The following TMEM163 variants were observed in gnomAD, a reference collection of about 807,000 sequenced individuals.
TMEM163 encodes the protein transmembrane protein 163.
TMEM163 carries 17 observed loss-of-function variants against 29.3 expected under a neutral mutation model. That is an observed-to-expected ratio of 0.58 (90% confidence interval 0.40 to 0.87). The LOEUF (loss-of-function observed/expected upper bound fraction) is 0.87. TMEM163 is among the 40% of genes least tolerant of loss of function. The pLI is 0.00. For synonymous variants in TMEM163, 157 were observed against 160.6 expected (o/e 0.98, Z 0.17); for missense variants, 303 against 381.5 (o/e 0.79, Z 1.71).
intron 2 of TMEM163, among the ~76,000 whole-genome samples, chr2:134,560,863 C>T (rs1200234730): frequency 6.6e-6 from 1 of 152,176 alleles, no homozygotes; most frequent in East Asian, 1.9e-4. Flanking sequence ...GGGACATGGG[C>T]AGGATGCCTG....
At chr2:134,707,327 C>T (rs1034258969) in intron 2 of TMEM163, among the ~76,000 whole-genome samples, 1 of 152,184 alleles carries the variant, frequency 6.6e-6, no homozygotes, top group Non-Finnish European at 1.5e-5. Context: ...GCAGGCACCA[C>T]AGCTGGGCCT....
chr2:134,538,280 G>A (rs6757112), intron 4 of TMEM163, among the ~76,000 whole-genome samples: 3,473 of 152,220 alleles, frequency 0.023, 168 homozygotes, highest in African/African-American at 0.078. Flanking sequence ...GGACACCTCA[G>A]GAAAATGCCA....
At chr2:134,718,161 C>G (rs1422287810) in intron 1 of TMEM163, among the ~76,000 whole-genome samples, 2 of 152,248 alleles carry the variant, frequency 1.3e-5, no homozygotes, top group Non-Finnish European at 2.9e-5. Context: ...GACCCGCGTC[C>G]GCGATTAGAA....
At chr2:134,605,643 G>T (rs951556151) in intron 2 of TMEM163, among the ~76,000 whole-genome samples, 1 of 151,564 alleles carries the variant, frequency 6.6e-6, no homozygotes, top group Non-Finnish European at 1.5e-5. Context: ...CTGAGATCGC[G>T]CCATTGCACT....
chr2:134,494,270 G>A (rs1387097437), intron 5 of TMEM163, among the ~76,000 whole-genome samples: 4 of 152,172 alleles, frequency 2.6e-5, no homozygotes, highest in African/African-American at 9.7e-5. Flanking sequence ...AGATGGCACT[G>A]ATAGTCTGAC....
chr2:134,580,898 G>A (rs946043352), intron 2 of TMEM163, among the ~76,000 whole-genome samples: 1 of 152,176 alleles, frequency 6.6e-6, no homozygotes, highest in Non-Finnish European at 1.5e-5. Flanking sequence ...GGGTGACAGA[G>A]CGAGACTCTG....
chr2:134,511,187 C>CA (rs1367257684), intron 4 of TMEM163, among the ~76,000 whole-genome samples: 2 of 149,578 alleles, frequency 1.3e-5, no homozygotes, highest in Non-Finnish European at 2.9e-5. Flanking sequence ...ATCCAGTACT[C>CA]ACACTTCTTT....
At chr2:134,580,023 A>G (rs1681655914) in intron 2 of TMEM163, among the ~76,000 whole-genome samples, 1 of 152,186 alleles carries the variant, frequency 6.6e-6, no homozygotes. Flanking sequence ...TTATCAAACC[A>G]GAGTACTCAG....
intron 4 of TMEM163, among the ~76,000 whole-genome samples, chr2:134,522,125 G>T (rs1195757871): frequency 6.6e-6 from 1 of 151,878 alleles, no homozygotes; most frequent in East Asian, 1.9e-4. Context: ...GCGGGGGTGG[G>T]CTTAGACTCA....
intron 4 of TMEM163, among the ~76,000 whole-genome samples, chr2:134,507,544 G>A (rs1433232270): frequency 6.6e-6 from 1 of 152,088 alleles, no homozygotes; most frequent in Middle Eastern, 3.2e-3. Flanking sequence ...AGCCCTTCAG[G>A]TGATTCTGAT....
Position 134,456,572 on chromosome 2 carries a change from T to A in TMEM163, c.*144A>T. On this transcript the variant is annotated 3_prime_UTR_variant, in exon 8 of 8. Transcript: ENST00000281924. ...GTGATGGGGGCAAGGTAGATCCACCTGGCTGGGCAGACCTTGTCTTGTAAT... is the reference window on the plus strand; with the variant it reads ...GTGATGGGGGCAAGGTAGATCCACCAGGCTGGGCAGACCTTGTCTTGTAAT... 2 of 969,420 alleles carry A rather than the reference T, an allele frequency of 2.1e-6. No homozygotes were observed. The highest frequency in any genetic ancestry group is 3.0e-5 in the South Asian group (2 of 66,860). The allele number at this position is 969,420 out of a possible 1,614,324, so 60.1% of individuals were successfully genotyped here.
At chr2:134,504,433 C>G (rs1379518239) in intron 4 of TMEM163, among the ~76,000 whole-genome samples, 1 of 151,102 alleles carries the variant, frequency 6.6e-6, no homozygotes, top group Non-Finnish European at 1.5e-5. Context: ...CATCACCCCC[C>G]AAGGGACACA....
chr2:134,597,624 C>G (rs1487010439), intron 2 of TMEM163, among the ~76,000 whole-genome samples: 1 of 152,144 alleles, frequency 6.6e-6, no homozygotes, highest in South Asian at 2.1e-4. Context: ...TGATGCTGGC[C>G]TCATAGAATG....
rs79699947 is a variant in TMEM163 at position 134,701,516 on chromosome 2, A to G, written c.322+11684T>C. 9.4e-3 allele frequency among the ~76,000 whole-genome samples: 1,428 copies of G among 152,252 alleles called. 14 individuals carry two copies. The highest frequency in any genetic ancestry group is 0.013 in the Admixed American group (198 of 15,306). ...ATACCCACTCATCCCCAACTCTCCT[A>G]TTGGATTATTGGAGGATTTTTCTCT... On this transcript the variant is annotated intron_variant, in intron 2 of 7. Coordinates refer to ENST00000281924, the MANE Select transcript of TMEM163 (RefSeq NM_030923.5).
intron 2 of TMEM163, among the ~76,000 whole-genome samples, chr2:134,595,266 C>T (rs893252198): frequency 1.3e-5 from 2 of 151,936 alleles, no homozygotes; most frequent in African/African-American, 4.8e-5. Flanking sequence ...CTCCCCACTC[C>T]CCCCAACCCC....
At chr2:134,485,051 G>C (rs1350599304) in intron 5 of TMEM163, among the ~76,000 whole-genome samples, 1 of 152,202 alleles carries the variant, frequency 6.6e-6, no homozygotes, top group Non-Finnish European at 1.5e-5. Flanking sequence ...AGTTCAACCA[G>C]AGAAAGAGAA....
At chr2:134,641,792 A>G (rs1042454421) in intron 2 of TMEM163, among the ~76,000 whole-genome samples, 5 of 152,200 alleles carry the variant, frequency 3.3e-5, no homozygotes, top group African/African-American at 1.2e-4. Context: ...AGAGGCTATA[A>G]GGATTGCATT....
chr2:134,696,570 T>A (rs1684586817), intron 2 of TMEM163, among the ~76,000 whole-genome samples: 2 of 152,338 alleles, frequency 1.3e-5, no homozygotes, highest in South Asian at 4.1e-4. Context: ...ATCATTTTAA[T>A]AGCATTTTAT....
At chr2:134,483,589 T>C (rs1352486894) in intron 5 of TMEM163, among the ~76,000 whole-genome samples, 1 of 152,190 alleles carries the variant, frequency 6.6e-6, no homozygotes, top group Non-Finnish European at 1.5e-5. Flanking sequence ...GAAACATAAC[T>C]GTCACAAGAC....
Sources: gnomAD v4.1 joint callset for allele counts (sites outside exome capture counted in the v4.1 genomes callset) on GRCh38, gnomAD v4.1.1 for gene constraint, MANE v1.5 for transcripts, NCBI Gene and HGNC (gene_info 2026-07-23, HGNC 2026-07-21) for gene names.